The following ROBO1 variants were observed in gnomAD, a reference collection of about 807,000 sequenced individuals.
The protein encoded by ROBO1 is roundabout homolog 1.
In ROBO1, 149 loss-of-function variants were observed where a neutral mutation model predicts 195.9. The ratio of observed to expected loss-of-function variants is 0.76; its 90% CI spans 0.67 to 0.87. The LOEUF is 0.87. Ranked by LOEUF, ROBO1 falls within the 40% of genes least tolerant of loss-of-function variation. The pLI is 0.00. For missense variants in ROBO1, 1,933 were observed against 2,068.3 expected (o/e 0.93, Z 1.27); for synonymous variants, 816 against 733.2 (o/e 1.11, Z -1.82).
chr3:79,013,329 T>C (rs1470044394), intron 3 of ROBO1, among the ~76,000 whole-genome samples: 1 of 152,202 alleles, frequency 6.6e-6, no homozygotes, highest in East Asian at 1.9e-4. Flanking sequence ...CAGCAGACAA[T>C]GTTTTGAATC....
chr3:78,920,894 T>C (rs1248021787), intron 4 of ROBO1, among the ~76,000 whole-genome samples: 1 of 151,850 alleles, frequency 6.6e-6, no homozygotes, highest in Non-Finnish European at 1.5e-5. Context: ...TTCCCCAGAG[T>C]GGGCTCCAAC....
chr3:79,742,040 G>T (rs1703669052), intron 1 of ROBO1, among the ~76,000 whole-genome samples: 1 of 152,200 alleles, frequency 6.6e-6, no homozygotes, highest in South Asian at 2.1e-4. Flanking sequence ...TGTGAATAAA[G>T]AGATGATCTG....
rs575917340 is a variant in ROBO1 at position 79,247,129 on chromosome 3, G to GTTTTTTTTTT, written c.89-121600_89-121591dup. ...AAAAGCATTAAGGCTCCTGTTTACT[G>GTTTTTTTTTT]TTTTTTTTTTTTTGTAAGAAGTATA... is the stretch of plus-strand genomic sequence containing the variant. On this transcript the variant is annotated intron_variant, in intron 2 of 30. Transcript: ENST00000464233. Among the ~76,000 whole-genome samples the GTTTTTTTTTT allele has an allele frequency of 3.9e-3, 530 of 134,724 alleles. 9 individuals are homozygous for GTTTTTTTTTT. Among genetic ancestry groups the GTTTTTTTTTT allele is most frequent in the African/African-American group, 7.8e-3 (282 of 36,116 alleles). The allele number at this position is 134,724 out of a possible 152,430, so 88.4% of individuals were successfully genotyped here.
chr3:79,478,857 AC>A (rs1482753809), intron 2 of ROBO1, among the ~76,000 whole-genome samples: 1 of 152,146 alleles, frequency 6.6e-6, no homozygotes, highest in Non-Finnish European at 1.5e-5. Flanking sequence ...AGATTTTTTA[AC>A]TGCTAGGTAT....
intron 2 of ROBO1, among the ~76,000 whole-genome samples, chr3:79,507,222 AG>A (rs1231973847): frequency 1.3e-5 from 2 of 152,234 alleles, no homozygotes; most frequent in Non-Finnish European, 2.9e-5. Context: ...CTAATAGGAC[AG>A]CTACGAAGAG....
At chr3:79,034,156 C>T (rs555645242) in intron 3 of ROBO1, among the ~76,000 whole-genome samples, 1 of 152,230 alleles carries the variant, frequency 6.6e-6, no homozygotes, top group African/African-American at 2.4e-5. Context: ...AAGTTTCATC[C>T]TAGAAAATAC....
intron 2 of ROBO1, among the ~76,000 whole-genome samples, chr3:79,584,583 G>A (rs73849623): frequency 0.013 from 1,916 of 150,168 alleles, 36 homozygotes; most frequent in African/African-American, 0.043. Flanking sequence ...TATGTAACAA[G>A]AGACCTCCAT....
intron 4 of ROBO1, among the ~76,000 whole-genome samples, chr3:78,836,689 G>T (rs1019006161): frequency 1.3e-5 from 2 of 151,990 alleles, no homozygotes; most frequent in African/African-American, 2.4e-5. Context: ...GTATAAGGTG[G>T]TCAACTGACC....
intron 29 of ROBO1, among the ~76,000 whole-genome samples, chr3:78,603,354 C>G (rs1703285958): frequency 6.6e-6 from 1 of 152,146 alleles, no homozygotes; most frequent in Non-Finnish European, 1.5e-5. Flanking sequence ...AACATTCTCT[C>G]AGAGTCCTGA....
intron 2 of ROBO1, among the ~76,000 whole-genome samples, chr3:79,303,858 T>C (rs1032224427): frequency 2.0e-5 from 3 of 152,086 alleles, no homozygotes; most frequent in African/African-American, 7.2e-5. Context: ...CATGCAGTAC[T>C]TGTATTTCTG....
intron 2 of ROBO1, among the ~76,000 whole-genome samples, chr3:79,307,862 C>T (rs1191704408): frequency 6.6e-6 from 1 of 151,598 alleles, no homozygotes; most frequent in Non-Finnish European, 1.5e-5. Flanking sequence ...GTGACAACAA[C>T]AAAACAGAAA....
intron 2 of ROBO1, among the ~76,000 whole-genome samples, chr3:79,346,668 C>T (rs1416485692): frequency 6.6e-6 from 1 of 151,920 alleles, no homozygotes; most frequent in Non-Finnish European, 1.5e-5. Flanking sequence ...AACTTTTCAA[C>T]TAAAGCTTGA....
intron 2 of ROBO1, among the ~76,000 whole-genome samples, chr3:79,135,418 A>T (rs1051818999): frequency 1.3e-5 from 2 of 152,116 alleles, no homozygotes; most frequent in Non-Finnish European, 2.9e-5. Flanking sequence ...ATCAGCTATG[A>T]AGCCTTTCTG....
chr3:78,971,773 G>GT (rs1486273014), intron 3 of ROBO1, among the ~76,000 whole-genome samples: 2 of 151,884 alleles, frequency 1.3e-5, no homozygotes, highest in Non-Finnish European at 1.5e-5. Flanking sequence ...TTGTTTGTTT[G>GT]TTTGTTTGTT....
At chr3:79,265,884 A>T (rs1269912896) in intron 2 of ROBO1, among the ~76,000 whole-genome samples, 1 of 151,476 alleles carries the variant, frequency 6.6e-6, no homozygotes, top group Non-Finnish European at 1.5e-5. Flanking sequence ...TTGAAGATTA[A>T]TATTGTAAAA....
chr3:78,765,259 C>A (rs886835708), intron 4 of ROBO1, among the ~76,000 whole-genome samples: 8 of 151,348 alleles, frequency 5.3e-5, no homozygotes, highest in Admixed American at 3.3e-4. Context: ...CTGGGTCCAC[C>A]CTAAAGTTTT....
chr3:79,145,380 CACACACACACACA>C (rs1301750461), intron 2 of ROBO1, among the ~76,000 whole-genome samples: 111 of 151,042 alleles, frequency 7.3e-4, no homozygotes, highest in African/African-American at 2.6e-3. Context: ...CATACACACA[CACACACACACACA>C]CACACACACA....
At chr3:78,628,542 G>A (rs753996558) in intron 25 of ROBO1, among the ~76,000 whole-genome samples, 20 of 152,118 alleles carry the variant, frequency 1.3e-4, no homozygotes, top group Non-Finnish European at 2.6e-4. Flanking sequence ...TATGTTTATC[G>A]ATTATAAGGG....
intron 5 of ROBO1, among the ~76,000 whole-genome samples, chr3:78,724,664 A>G (rs917883456): frequency 6.6e-6 from 1 of 152,130 alleles, no homozygotes; most frequent in African/African-American, 2.4e-5. Context: ...CCTGGGCGAC[A>G]GAGTGAGACT....
Sources: allele counts gnomAD v4.1 joint callset (sites outside exome capture counted in the v4.1 genomes callset), GRCh38; gene constraint gnomAD v4.1.1; transcripts MANE v1.5; gene names NCBI Gene and HGNC (gene_info 2026-07-23, HGNC 2026-07-21).